Variants in ZNF28 observed in about 807,000 individuals in gnomAD.
ZNF28 encodes zinc finger protein 28, also known as zinc finger protein KOX24.
ZNF28 carries 5 observed loss-of-function variants against 7.2 expected under a neutral mutation model. The ratio of observed to expected loss-of-function variants is 0.70; its 90% CI spans 0.36 to 1.46. The LOEUF is 1.46. Among genes scored for constraint, ZNF28 ranks in the 40% most tolerant of loss-of-function variants. ZNF28 has a pLI of 0.03. For missense variants in ZNF28, 879 were observed against 866.6 expected, an observed-to-expected ratio of 1.01 and a Z score of -0.18; for synonymous variants, 288 against 292.4, an observed-to-expected ratio of 0.99 and a Z score of 0.15.
rs762487427 is a variant in ZNF28, at chr19:52,801,395, T to C, written c.450A>G (p.Glu150=). 5 of 1,614,234 alleles carry C rather than the reference T, an allele frequency of 3.1e-6. No homozygotes were observed. The highest frequency in any genetic ancestry group is 4.2e-6 in the Non-Finnish European group (5 of 1,180,048). ...TCCCTTCAGGCTGAAATATGTGCAG[T>C]TCAGGCAGATGCGAATGAAAGCTTA... ...LGLSFHSHLP[E]LHIFQPEGKI... The change falls in exon 4 of 4, where the codon GAA becomes GAG. Residue 150 remains glutamate, a synonymous_variant. Coordinates refer to ENST00000457749, the MANE Select transcript of ZNF28 (RefSeq NM_006969.5).
At chr19:52,806,059 T>C (rs2062933233) in intron 3 of ZNF28, 3 of 152,184 alleles carry the variant, frequency 2.0e-5, no homozygotes, top group Admixed American at 2.0e-4. Context: ...CTAAACTTTT[T>C]TCATATTTAA....
intron 2 of ZNF28, chr19:52,810,416 T>C: frequency 1.9e-6 from 3 of 1,604,076 alleles, no homozygotes; most frequent in East Asian, 4.5e-5. Context: ...GTGACAAATT[T>C]AGTGGCCATC....
At position 52,800,450 on chromosome 19, in the gene ZNF28, T is replaced by A. The variant is rs757012336; in HGVS notation, c.1395A>T (p.Lys465Asn). 1.1e-5 allele frequency: 17 copies of A among 1,613,506 alleles called. No homozygotes were observed. In the Admixed American group the frequency reaches 1.5e-4, roughly 14 times the overall value. ...TGTCACATTCTTCACATTTGTATGG[T>A]TTCTCTGCAGTATGAAGTCTATGAT... The part of the protein sequence containing the change: ...ARHHRLHTAE[K>N]PYKCEECDKV... The change falls in exon 4 of 4, where the codon AAA (lysine) becomes AAT (asparagine). Residue 465 changes from lysine to asparagine, a missense_variant. Lys to Asn is a moderately conservative substitution (Grantham distance 94). Coordinates refer to ENST00000457749, the MANE Select transcript of ZNF28 (RefSeq NM_006969.5).
chr19:52,804,616 C>T (rs1001955709), intron 3 of ZNF28, among the ~76,000 whole-genome samples: 30 of 152,294 alleles, frequency 2.0e-4, no homozygotes, highest in African/African-American at 6.7e-4. Context: ...AGTGATCAAC[C>T]GATCGCAGTC....
rs970919398 is a variant in ZNF28 at position 52,819,828 on chromosome 19, C to G, written c.-74+1758G>C. The stretch of plus-strand genomic sequence containing the variant: ...TGAATTCTTCCTTACAAGAAAATCA[C>G]ACTAACATTTATAAAATGCAGCAGT... On this transcript the variant is annotated intron_variant, in intron 1 of 3. Transcript: ENST00000457749. Among the ~76,000 whole-genome samples, 17 of 143,368 alleles carry G rather than the reference C, an allele frequency of 1.2e-4. 1 individual carries two copies. Among genetic ancestry groups the G allele is most frequent in the Admixed American group, 1.1e-3 (15 of 14,250 alleles). 94.1% of individuals were successfully genotyped at this position (143,368 alleles called of 152,430 possible). A position where few individuals can be genotyped will look rare whatever the true frequency, so the allele number is the denominator to read the frequency against.
At position 52,799,892 on chromosome 19, in the gene ZNF28, T is replaced by C. The variant is rs2062839340; in HGVS notation, c.1953A>G (p.Val651=). ...CTCCACTATGAAGCCTATGATGGTATACGAGGGATGACATCTGACTGAAGG... is the reference window on the plus strand; with the variant it reads ...CTCCACTATGAAGCCTATGATGGTACACGAGGGATGACATCTGACTGAAGG... ...GKTFSQMSSL[V]YHHRLHSGEK... The change falls in exon 4 of 4, where the codon GTA becomes GTG. Residue 651 remains valine, a synonymous_variant. Transcript: ENST00000457749. 3 of 1,614,128 alleles carry C rather than the reference T, an allele frequency of 1.9e-6. No homozygotes were observed. In the East Asian group the frequency reaches 6.7e-5, roughly 36 times the overall value.
At chr19:52,816,839 A>ATAG (rs938907701) in intron 2 of ZNF28, among the ~76,000 whole-genome samples, 10 of 141,678 alleles carry the variant, frequency 7.1e-5, no homozygotes, top group African/African-American at 2.5e-4. Flanking sequence ...TCAGAAAATA[A>ATAG]TAATAATAAT....
In ZNF28 at chr19:52,797,678, TACAA is replaced by T. The variant is rs1480392248; in HGVS notation, c.*2006_*2009del. ...GGTGAGAAGTTTGTACCTTGAAATC[TACAA>T]ACATTGATCAAAATGATTAAAAACA... On this transcript the variant is annotated 3_prime_UTR_variant, in exon 4 of 4. Transcript: ENST00000457749. The T allele has an allele frequency of 5.2e-5, 8 of 154,816 alleles. No individual in the cohort carries two copies. The highest frequency in any genetic ancestry group is 7.2e-5 in the African/African-American group (3 of 41,460). The allele number at this position is 154,816 out of a possible 1,614,324, so 9.6% of individuals were successfully genotyped here. A position where few individuals can be genotyped will look rare whatever the true frequency, so the allele number is the denominator to read the frequency against.
At chr19:52,820,427 C>T (rs2063181561) in intron 1 of ZNF28, among the ~76,000 whole-genome samples, 1 of 149,872 alleles carries the variant, frequency 6.7e-6, no homozygotes, top group East Asian at 1.9e-4. Context: ...CTTATTTAAC[C>T]TCTTGTTGGT....
chr19:52,819,029 A>G (rs1375240798), intron 1 of ZNF28, among the ~76,000 whole-genome samples: 1 of 142,422 alleles, frequency 7.0e-6, no homozygotes, highest in Non-Finnish European at 1.5e-5. Context: ...CCTAGATCTG[A>G]AGGAGAAAGG....
Position 52,801,664 on chromosome 19 carries a change from T to C in ZNF28, c.181A>G (p.Thr61Ala), listed in dbSNP as rs374280202. The C allele has an allele frequency of 9.3e-6, 15 of 1,611,680 alleles. No homozygotes were observed. The highest frequency in any genetic ancestry group is 6.7e-5 in the East Asian group (3 of 44,878). ...SKCMMKTFFS[T>A]GQGNTEAFHT... ...AACGCTTCTGTATTGCCTTGCCCTGTTGAGAAGAATGTCTTCATCATGCAT... is the reference window on the plus strand; with the variant it reads ...AACGCTTCTGTATTGCCTTGCCCTGCTGAGAAGAATGTCTTCATCATGCAT... The change falls in exon 4 of 4, where the codon ACA (threonine) becomes GCA (alanine). Residue 61 changes from threonine (T) to alanine (A), a missense_variant. Transcript: ENST00000457749.
Position 52,799,077 on chromosome 19 carries a change from A to G in ZNF28, c.*611T>C. On this transcript the variant is annotated 3_prime_UTR_variant, in exon 4 of 4. Coordinates refer to ENST00000457749, the MANE Select transcript of ZNF28 (RefSeq NM_006969.5). ...TTCAAGCTGTGATTTGTGACTGACA[A>G]CTTTGTCACAGTCTTCACATTTGTA... 1 of 446,428 alleles carries G rather than the reference A, an allele frequency of 2.2e-6. No individual in the cohort carries two copies. Among genetic ancestry groups the G allele is most frequent in the Non-Finnish European group, 4.3e-6 (1 of 234,974 alleles). The allele number at this position is 446,428 out of a possible 1,614,324, so 27.7% of individuals were successfully genotyped here. A position where few individuals can be genotyped will look rare whatever the true frequency, so the allele number is the denominator to read the frequency against.
chr19:52,810,593 C>G (rs1384049054), intron 2 of ZNF28: 3 of 1,558,586 alleles, frequency 1.9e-6, no homozygotes, highest in East Asian at 4.5e-5. Flanking sequence ...CTACCGCGCC[C>G]GACCACCAAC....
At chr19:52,812,132 G>C (rs1451723494) in intron 2 of ZNF28, among the ~76,000 whole-genome samples, 2 of 122,338 alleles carry the variant, frequency 1.6e-5, no homozygotes, top group African/African-American at 4.2e-5. Context: ...GCCCCGTCCG[G>C]GAGGGTGGTG....
In ZNF28 at chr19:52,818,336, G is replaced by A. The variant is rs1396115995; in HGVS notation, c.-73-305C>T. ...GTGTGTCTGTGGTCCCAGCTACTTA[G>A]GAAGCTGAGGTGGAAGGATCACTTG... On this transcript the variant is annotated intron_variant, in intron 1 of 3. Transcript: ENST00000457749. Among the ~76,000 whole-genome samples the A allele has an allele frequency of 2.6e-5, 4 of 152,298 alleles. No individual in the cohort carries two copies. In the East Asian group the frequency reaches 5.8e-4, roughly 22 times the overall value.
rs1283249932 is a variant in ZNF28 at position 52,812,163 on chromosome 19, G to A, written c.16-4030C>T. 6.3e-5 allele frequency among the ~76,000 whole-genome samples: 8 copies of A among 126,774 alleles called. 2 individuals carry two copies. Among genetic ancestry groups the A allele is most frequent in the African/African-American group, 1.2e-4 (3 of 25,566 alleles). The allele number at this position is 126,774 out of a possible 152,430, so 83.2% of individuals were successfully genotyped here. On this transcript the variant is annotated intron_variant, in intron 2 of 3. Coordinates refer to ENST00000457749, the MANE Select transcript of ZNF28 (RefSeq NM_006969.5). ...TGGTGGGGGGGTCAGCCCCCCGCCC[G>A]GCCAGCCGCCCCATCTGGGAGGTGA...
At chr19:52,816,146 T>C (rs1243672873) in intron 2 of ZNF28, among the ~76,000 whole-genome samples, 1 of 147,262 alleles carries the variant, frequency 6.8e-6, no homozygotes, top group Non-Finnish European at 1.5e-5. Context: ...GCAAAGGGTC[T>C]AAGCTGCAGC....
At chr19:52,811,320 T>G (rs2063034098) in intron 2 of ZNF28, among the ~76,000 whole-genome samples, 3 of 149,826 alleles carry the variant, frequency 2.0e-5, no homozygotes. Context: ...CCACCCCGTC[T>G]GGGAAGTGAG....
intron 2 of ZNF28, chr19:52,810,717 T>A: frequency 2.6e-6 from 2 of 760,034 alleles, no homozygotes; most frequent in Non-Finnish European, 4.8e-6. Context: ...AAAAAAAATG[T>A]GTATTAGGAG....
Sources: gnomAD v4.1 joint callset for allele counts (sites outside exome capture counted in the v4.1 genomes callset) on GRCh38, gnomAD v4.1.1 for gene constraint, MANE v1.5 for transcripts, NCBI Gene and HGNC (gene_info 2026-07-23, HGNC 2026-07-21) for gene names.